Variants in TUBGCP3 observed in about 807,000 individuals in gnomAD.
The protein encoded by TUBGCP3 is gamma-tubulin complex component 3.
Under a neutral mutation model 123.1 loss-of-function variants are expected in TUBGCP3, and 50 were observed. The observed-to-expected ratio is 0.41, with a 90% CI of 0.32 to 0.51. The LOEUF is 0.51. TUBGCP3 is among the 20% of genes least tolerant of loss of function. TUBGCP3 has a pLI of 0.36. For missense variants in TUBGCP3, 882 were observed against 1,127.0 expected (o/e 0.78, Z 3.11); for synonymous variants, 405 against 413.9 (o/e 0.98, Z 0.26).
rs762108314 is a variant in TUBGCP3, at chr13:112,554,962, C to T, written c.765G>A (p.Leu255=). Residue 255 remains leucine (L), a synonymous_variant, in exon 7 of 22, where the codon TTG becomes TTA. Coordinates refer to ENST00000261965, the MANE Select transcript of TUBGCP3 (RefSeq NM_006322.6). ...ITEAALVRDI[L]YVFQGIDGKN... is the part of the protein sequence containing the mutation. Reference sequence around the variant, plus strand: ...TGCCATCTATGCCCTGAAAGACGTACAAAATGTCCCTTACCAGAGCTGCTT... The same window carrying T: ...TGCCATCTATGCCCTGAAAGACGTATAAAATGTCCCTTACCAGAGCTGCTT... The T allele has an allele frequency of 3.1e-6, 5 of 1,612,440 alleles. No individual in the cohort carries two copies. The highest frequency in any genetic ancestry group is 1.7e-4 in the Middle Eastern group (1 of 6,060).
chr13:112,513,702 T>C (rs1314180188), intron 17 of TUBGCP3, among the ~76,000 whole-genome samples: 2 of 152,186 alleles, frequency 1.3e-5, no homozygotes, highest in Non-Finnish European at 2.9e-5. Context: ...ATGAAGCTGC[T>C]TGGCCATGAA....
Position 112,519,053 on chromosome 13 carries a change from G to GA in TUBGCP3, c.1882-11dup, listed in dbSNP as rs1171403321. Reference sequence around the variant, plus strand: ...TGTCACCTGGAGAGACCTAACAACAGAAACAAACACATAATTGCAAGACCT... The same window carrying GA: ...TGTCACCTGGAGAGACCTAACAACAGAAAACAAACACATAATTGCAAGACCT... On this transcript the variant is annotated splice_polypyrimidine_tract_variant and intron_variant, in intron 15 of 21. Coordinates refer to ENST00000261965, the MANE Select transcript of TUBGCP3 (RefSeq NM_006322.6). The surrounding 1 kb of genome is among the most constrained non-coding windows in gnomAD (Gnocchi z 6.2). The GA allele has an allele frequency of 1.9e-6, 3 of 1,610,770 alleles. No individual in the cohort carries two copies. Among genetic ancestry groups the GA allele is most frequent in the Non-Finnish European group, 1.7e-6 (2 of 1,176,936 alleles).
chr13:112,598,913 T>C, the TUBGCP3 span, among the ~76,000 whole-genome samples: 1 of 144,798 alleles, frequency 6.9e-6, no homozygotes, highest in East Asian at 2.0e-4. Flanking sequence ...ACCACTGCAC[T>C]CTAGCCTGGG....
At chr13:112,527,843 G>A (rs1877259849) in intron 11 of TUBGCP3, among the ~76,000 whole-genome samples, 1 of 152,326 alleles carries the variant, frequency 6.6e-6, no homozygotes, top group Non-Finnish European at 1.5e-5. Context: ...GCAGCTGTGT[G>A]TCTCCTCCCA....
intron 1 of TUBGCP3, among the ~76,000 whole-genome samples, chr13:112,575,632 CAACAA>C (rs1354022422): frequency 6.6e-6 from 1 of 152,252 alleles, no homozygotes; most frequent in Non-Finnish European, 1.5e-5. Flanking sequence ...GCCCACCCCA[CAACAA>C]AACAACACAC....
At chr13:112,550,117 C>G (rs1183764854) in intron 8 of TUBGCP3, among the ~76,000 whole-genome samples, 1 of 151,760 alleles carries the variant, frequency 6.6e-6, no homozygotes, top group East Asian at 1.9e-4. Context: ...CAGGGATGAG[C>G]TGTGGGATGT....
rs759510363 is a variant in TUBGCP3, at chr13:112,511,512, C to G, written c.2086+4928G>C. On this transcript the variant is annotated intron_variant, in intron 17 of 21. Transcript: ENST00000261965. This position sits in a 1 kb window ranked among gnomAD's most constrained non-coding sequence, Gnocchi z 4.1. ...GGGCCGGTACTAAAGGCTGTGCTGC[C>G]GGAGCACAGAGCCCAGCTCCAGGAT... 6.6e-6 allele frequency among the ~76,000 whole-genome samples: 1 copy of G among 151,946 alleles called. No homozygotes were observed. The highest frequency in any genetic ancestry group is 6.6e-5 in the Admixed American group (1 of 15,254).
intron 10 of TUBGCP3, 110 bp downstream of exon 10, chr13:112,547,510 G>C (rs2139177261): frequency 7.5e-7 from 1 of 1,336,434 alleles, no homozygotes; most frequent in African/African-American, 1.5e-5. Context: ...AGACGCGCGT[G>C]GGAAAGACGC....
At chr13:112,547,365 G>A in intron 10 of TUBGCP3, 1 of 496,772 alleles carries the variant, frequency 2.0e-6, no homozygotes, top group Non-Finnish European at 3.2e-6. Flanking sequence ...CTGGCAAGTG[G>A]TTACGTCCCC....
chr13:112,514,738 A>C (rs1386226299), intron 17 of TUBGCP3, among the ~76,000 whole-genome samples: 1 of 152,274 alleles, frequency 6.6e-6, no homozygotes, highest in African/African-American at 2.4e-5. Context: ...ATGAATACTT[A>C]GTAAGTAAAC....
At chr13:112,570,291 G>A (rs1881298685) in intron 1 of TUBGCP3, among the ~76,000 whole-genome samples, 1 of 152,172 alleles carries the variant, frequency 6.6e-6, no homozygotes, top group African/African-American at 2.4e-5. Context: ...GAGACAGATG[G>A]TGATGAGTGG....
chr13:112,519,132 C>T lies in TUBGCP3; in HGVS notation c.1882-89G>A, dbSNP rs1876405849. 2.8e-6 allele frequency: 3 copies of T among 1,062,398 alleles called. No homozygotes were observed. Among genetic ancestry groups the T allele is most frequent in the African/African-American group, 1.6e-5 (1 of 63,648 alleles). 65.8% of individuals were successfully genotyped at this position (1,062,398 alleles called of 1,614,324 possible). A position where few individuals can be genotyped will look rare whatever the true frequency, so the allele number is the denominator to read the frequency against. On this transcript the variant is annotated intron_variant, in intron 15 of 21. Transcript: ENST00000261965. The surrounding 1 kb of genome is among the most constrained non-coding windows in gnomAD (Gnocchi z 6.2). ...GCAAAGAAAAAGCAGTAAAATAATG[C>T]CCAATTGTTAAAAACTGCTCAACAG...
the TUBGCP3 span, among the ~76,000 whole-genome samples, chr13:112,599,547 C>T: frequency 6.6e-6 from 1 of 152,284 alleles, no homozygotes; most frequent in South Asian, 2.1e-4. Flanking sequence ...CACTCTGTTG[C>T]CCAGGCTGGA....
chr13:112,525,964 A>G (rs6577086), intron 13 of TUBGCP3, among the ~76,000 whole-genome samples: 76,469 of 152,120 alleles, frequency 0.5, 22,157 homozygotes, highest in African/African-American at 0.81. Flanking sequence ...ATTAAGGTGT[A>G]TCAGAGAGTA....
chr13:112,579,010 C>T (rs1328088779), intron 1 of TUBGCP3, among the ~76,000 whole-genome samples: 1 of 152,140 alleles, frequency 6.6e-6, no homozygotes, highest in East Asian at 1.9e-4. Context: ...GAAATTCATA[C>T]ATTGGCCTTC....
chr13:112,512,226 G>A (rs1881716315), intron 17 of TUBGCP3, among the ~76,000 whole-genome samples: 1 of 152,088 alleles, frequency 6.6e-6, no homozygotes, highest in Non-Finnish European at 1.5e-5. Flanking sequence ...TTCGAGGCCA[G>A]TCTGGCCAAC....
At chr13:112,592,388 G>A (rs1475542974), upstream of TUBGCP3, among the ~76,000 whole-genome samples, 1 of 152,182 alleles carries the variant, frequency 6.6e-6, no homozygotes, top group African/African-American at 2.4e-5. The surrounding 1 kb of genome is among the most constrained non-coding windows in gnomAD (Gnocchi z 4.1). Flanking sequence ...GGTTCCACCA[G>A]GCAGGTGTCA....
At chr13:112,536,015 C>T (rs139811244) in intron 11 of TUBGCP3, among the ~76,000 whole-genome samples, 5 of 152,190 alleles carry the variant, frequency 3.3e-5, no homozygotes, top group Non-Finnish European at 5.9e-5. Flanking sequence ...TTGCTGAATA[C>T]GCTTTTTATC....
chr13:112,581,198 C>CA, intron 1 of TUBGCP3, among the ~76,000 whole-genome samples: 1 of 152,164 alleles, frequency 6.6e-6, no homozygotes, highest in African/African-American at 2.4e-5. Flanking sequence ...CACACCCCCC[C>CA]ATCTTTCTGT....
Sources: allele counts gnomAD v4.1 joint callset (sites outside exome capture counted in the v4.1 genomes callset), GRCh38; gene constraint gnomAD v4.1.1; non-coding constraint Gnocchi (gnomAD v3.1); transcripts MANE v1.5; gene names NCBI Gene and HGNC (gene_info 2026-07-23, HGNC 2026-07-21).